CCDC51: variants seen among roughly 807,000 people sequenced by gnomAD.
CCDC51 encodes the protein mitochondrial potassium channel.
A neutral mutation model predicts 24.8 loss-of-function variants in CCDC51; 25 were observed. The observed-to-expected ratio is 1.01, with a 90% CI of 0.73 to 1.41. The LOEUF (loss-of-function observed/expected upper bound fraction) is 1.41, where lower values mean the gene tolerates loss of function less well. Ranked by LOEUF, CCDC51 falls within the 40% of genes most tolerant of loss-of-function variation. The pLI, the probability that CCDC51 is intolerant of heterozygous loss-of-function variation, is 0.00. For synonymous variants in CCDC51, 190 were observed against 204.3 expected (o/e 0.93, Z 0.60); for missense variants, 466 against 519.1 (o/e 0.90, Z 0.99).
chr3:48,438,665 C>G (rs1024393192), intron 1 of CCDC51, among the ~76,000 whole-genome samples: 1 of 152,180 alleles, frequency 6.6e-6, no homozygotes, highest in African/African-American at 2.4e-5. Flanking sequence ...CCCAGTGACC[C>G]ACATCACATC....
At chr3:48,440,817 G>T (rs546686775), upstream of CCDC51, 2 of 617,058 alleles carry the variant, frequency 3.2e-6, no homozygotes, top group African/African-American at 1.8e-5. Context: ...TGGAAACGAG[G>T]TCTCCTGCCT....
At chr3:48,443,551 G>T (rs1005234385), upstream of CCDC51, among the ~76,000 whole-genome samples, 5 of 150,162 alleles carry the variant, frequency 3.3e-5, no homozygotes, top group Non-Finnish European at 5.9e-5. Flanking sequence ...AAAAAAAAAA[G>T]GACTTCTTTT....
chr3:48,441,309 G>A (rs989037730), upstream of CCDC51, among the ~76,000 whole-genome samples: 1 of 152,082 alleles, frequency 6.6e-6, no homozygotes, highest in Non-Finnish European at 1.5e-5. Context: ...CTCCCAAAGT[G>A]CTGGGATTGC....
chr3:48,436,535 C>A (rs2039360781), intron 1 of CCDC51, among the ~76,000 whole-genome samples: 1 of 152,218 alleles, frequency 6.6e-6, no homozygotes, highest in Admixed American at 6.5e-5. Context: ...GGCTGGGTTC[C>A]ATGCCCATGA....
chr3:48,435,244 A>G lies in CCDC51; in HGVS notation c.-8-108T>C, dbSNP rs2039316371. 1 of 897,244 alleles carries G rather than the reference A, an allele frequency of 1.1e-6. No individual in the cohort carries two copies. The highest frequency in any genetic ancestry group is 1.7e-5 in the African/African-American group (1 of 59,232). 55.6% of individuals were successfully genotyped at this position (897,244 alleles called of 1,614,324 possible). A position where few individuals can be genotyped will look rare whatever the true frequency, so the allele number is the denominator to read the frequency against. On this transcript the variant is annotated intron_variant, in intron 1 of 3. Transcript: ENST00000395694. The surrounding 1 kb of genome is among the most constrained non-coding windows in gnomAD (Gnocchi z 4.2). ...GAACAGACTAATCCCCACTCAAATC[A>G]TCTAAACTGAGCACCACCCTGTTGG...
At chr3:48,442,352 AGTT>A (rs969274886), upstream of CCDC51, among the ~76,000 whole-genome samples, 1 of 150,462 alleles carries the variant, frequency 6.6e-6, no homozygotes, top group Admixed American at 6.6e-5. Context: ...ACTCTATGCT[AGTT>A]GTTTCTCATT....
upstream of CCDC51, chr3:48,440,524 G>A: frequency 3.1e-6 from 5 of 1,608,558 alleles, no homozygotes; most frequent in Non-Finnish European, 4.2e-6. Context: ...AGTTGAACAC[G>A]CTCTGCCTCT....
chr3:48,443,784 G>T (rs2107173223), upstream of CCDC51: 3 of 1,383,018 alleles, frequency 2.2e-6, no homozygotes, highest in South Asian at 4.5e-5. Context: ...TCCACAGCAG[G>T]CCCGTGGGGC....
chr3:48,440,612 G>A, upstream of CCDC51: 1 of 1,611,512 alleles, frequency 6.2e-7, no homozygotes, highest in Non-Finnish European at 8.5e-7. Flanking sequence ...CGAAGGCCGC[G>A]GGGAAGGGGC....
upstream of CCDC51, chr3:48,440,368 C>A (rs1350277598): frequency 6.2e-7 from 1 of 1,611,716 alleles, no homozygotes; most frequent in East Asian, 2.2e-5. Context: ...GACCGGGCGG[C>A]AGGGGCAGGC....
At chr3:48,446,407 G>C in the CCDC51 span, 3 of 156,714 alleles carry the variant, frequency 1.9e-5, no homozygotes, top group East Asian at 1.9e-4. Context: ...AGGAAAGCGA[G>C]GTCACGGAGA....
upstream of CCDC51, chr3:48,440,310 A>G: frequency 6.2e-7 from 1 of 1,608,416 alleles, no homozygotes; most frequent in Non-Finnish European, 8.5e-7. Context: ...TCCGGCCGCG[A>G]AGGTAAGTGT....
chr3:48,442,612 C>A (rs35215722), upstream of CCDC51, among the ~76,000 whole-genome samples: 4 of 151,274 alleles, frequency 2.6e-5, no homozygotes, highest in South Asian at 8.4e-4. Context: ...CCACCATGCC[C>A]GGCTAATTTT....
At chr3:48,440,823 T>C (rs1369091493), upstream of CCDC51, 14 of 612,488 alleles carry the variant, frequency 2.3e-5, no homozygotes, top group East Asian at 3.3e-4. Flanking sequence ...CGAGGTCTCC[T>C]GCCTCCCAGG....
chr3:48,440,352 G>T, upstream of CCDC51: 1 of 1,611,926 alleles, frequency 6.2e-7, no homozygotes, highest in African/African-American at 1.3e-5. Flanking sequence ...GGGACGGCGG[G>T]GTGGGGACCG....
Position 48,435,958 on chromosome 3 carries a change from C to T in CCDC51, c.-8-822G>A, listed in dbSNP as rs1314146178. 6.6e-6 allele frequency among the ~76,000 whole-genome samples: 1 copy of T among 152,122 alleles called. No homozygotes were observed. Among genetic ancestry groups the T allele is most frequent in the African/African-American group, 2.4e-5 (1 of 41,412 alleles). On this transcript the variant is annotated intron_variant, in intron 1 of 3. Transcript: ENST00000395694. This position sits in a 1 kb window ranked among gnomAD's most constrained non-coding sequence, Gnocchi z 4.2. The stretch of plus-strand genomic sequence containing the variant: ...CAGGTTAGGTTTCTCTCATCTTTCC[C>T]TTTTCCATCTTGCTTTGATGTTTGG...
Position 48,433,269 on chromosome 3 carries a change from T to C in CCDC51, c.478-103A>G, listed in dbSNP as rs1201918956. ...ACTACCTTGTGCCTGGCAGAGTACA[T>C]GTTCCATAGACCCATGCTGAATGAA... On this transcript the variant is annotated intron_variant, in intron 3 of 3. Transcript: ENST00000395694. The surrounding 1 kb of genome is among the most constrained non-coding windows in gnomAD (Gnocchi z 4.4). 4 of 1,129,720 alleles carry C rather than the reference T, an allele frequency of 3.5e-6. No individual in the cohort carries two copies. The highest frequency in any genetic ancestry group is 5.1e-6 in the Non-Finnish European group (4 of 788,710). The allele number at this position is 1,129,720 out of a possible 1,614,324, so 70.0% of individuals were successfully genotyped here. A position where few individuals can be genotyped will look rare whatever the true frequency, so the allele number is the denominator to read the frequency against.
upstream of CCDC51, chr3:48,440,883 A>AAC: frequency 1.8e-6 from 1 of 570,260 alleles, no homozygotes; most frequent in South Asian, 2.2e-5. Flanking sequence ...GGAAACAGTG[A>AAC]AATGTATTTA....
At chr3:48,442,021 G>T (rs9849509), upstream of CCDC51, among the ~76,000 whole-genome samples, 1 of 151,384 alleles carries the variant, frequency 6.6e-6, no homozygotes, top group African/African-American at 2.4e-5. Flanking sequence ...ATTATTTAAG[G>T]CTAGGAGTTC....
Sources: allele counts gnomAD v4.1 joint callset (sites outside exome capture counted in the v4.1 genomes callset), GRCh38; gene constraint gnomAD v4.1.1; non-coding constraint Gnocchi (gnomAD v3.1); transcripts MANE v1.5; gene names NCBI Gene and HGNC (gene_info 2026-07-23, HGNC 2026-07-21).